Variants in VAV3 observed in about 807,000 individuals in gnomAD.
VAV3 encodes the protein guanine nucleotide exchange factor VAV3.
Under a neutral mutation model 131.2 loss-of-function variants are expected in VAV3, and 94 were observed. The ratio of observed to expected loss-of-function variants is 0.72; its 90% confidence interval spans 0.61 to 0.85. The LOEUF (loss-of-function observed/expected upper bound fraction) is 0.85, where lower values mean the gene tolerates loss of function less well. Ranked by LOEUF, VAV3 falls within the 40% of genes least tolerant of loss-of-function variation. VAV3 has a pLI of 0.00. For synonymous variants in VAV3, 349 were observed against 342.0 expected, an observed-to-expected ratio of 1.02 and a Z score of -0.22; for missense variants, 939 against 1,002.7, an observed-to-expected ratio of 0.94 and a Z score of 0.86.
intron 2 of VAV3, among the ~76,000 whole-genome samples, chr1:107,829,381 A>G (rs1348900847): frequency 6.6e-6 from 1 of 152,220 alleles, no homozygotes; most frequent in Non-Finnish European, 1.5e-5. Context: ...CAAGCCATGT[A>G]AAAATACAAA....
At chr1:107,601,902 C>T (rs1472087193) in intron 24 of VAV3, among the ~76,000 whole-genome samples, 1 of 151,900 alleles carries the variant, frequency 6.6e-6, no homozygotes, top group Non-Finnish European at 1.5e-5. Flanking sequence ...CTTGTTAATG[C>T]ATAATTATCT....
intron 2 of VAV3, among the ~76,000 whole-genome samples, chr1:107,811,469 T>C (rs1019508678): frequency 3.3e-5 from 5 of 152,188 alleles, no homozygotes; most frequent in African/African-American, 1.2e-4. Context: ...TAGGCATTAA[T>C]ACAAAATAAG....
At chr1:107,864,980 C>G (rs568240116) in intron 2 of VAV3, among the ~76,000 whole-genome samples, 108 of 152,258 alleles carry the variant, frequency 7.1e-4, no homozygotes, top group African/African-American at 2.5e-3. Flanking sequence ...TCTGGCTGAG[C>G]CTTACCCCCT....
At chr1:107,913,872 T>G (rs1242517920) in intron 1 of VAV3, among the ~76,000 whole-genome samples, 2 of 152,214 alleles carry the variant, frequency 1.3e-5, no homozygotes, top group East Asian at 3.8e-4. Context: ...CTCAGCTCAC[T>G]GCAACCATCG....
At chr1:107,738,584 T>G (rs1662822336) in intron 15 of VAV3, among the ~76,000 whole-genome samples, 1 of 152,176 alleles carries the variant, frequency 6.6e-6, no homozygotes, top group Non-Finnish European at 1.5e-5. Context: ...AAACTAAGTT[T>G]CTCCCATCGT....
chr1:107,794,788 T>C (rs1192363855), intron 2 of VAV3, among the ~76,000 whole-genome samples: 1 of 152,154 alleles, frequency 6.6e-6, no homozygotes, highest in Non-Finnish European at 1.5e-5. Flanking sequence ...CCAGGATAAT[T>C]TGAATTTCCC....
intron 2 of VAV3, among the ~76,000 whole-genome samples, chr1:107,817,318 T>C (rs1027012629): frequency 6.6e-6 from 1 of 151,632 alleles, no homozygotes; most frequent in Admixed American, 6.6e-5. Flanking sequence ...AGAAGGGCAT[T>C]GGGTGTACAG....
At chr1:107,707,447 C>G (rs1469456548) in intron 15 of VAV3, among the ~76,000 whole-genome samples, 1 of 152,134 alleles carries the variant, frequency 6.6e-6, no homozygotes, top group African/African-American at 2.4e-5. Context: ...TAGAACACTG[C>G]CTGACCCATA....
intron 20 of VAV3, among the ~76,000 whole-genome samples, chr1:107,637,711 C>A (rs955476926): frequency 6.6e-6 from 1 of 152,164 alleles, no homozygotes; most frequent in East Asian, 1.9e-4. Flanking sequence ...GTAAATTCTA[C>A]GACACACTTC....
chr1:107,860,377 G>A (rs1669683613), intron 2 of VAV3, among the ~76,000 whole-genome samples: 1 of 144,272 alleles, frequency 6.9e-6, no homozygotes, highest in Non-Finnish European at 1.6e-5. Flanking sequence ...GGTTTTATAT[G>A]TTTGGTTATC....
At chr1:107,795,060 G>T (rs529265259) in intron 2 of VAV3, among the ~76,000 whole-genome samples, 40 of 152,254 alleles carry the variant, frequency 2.6e-4, no homozygotes, top group African/African-American at 9.4e-4. Flanking sequence ...GGGCACTGAA[G>T]TCCCAAATTC....
chr1:107,838,537 T>A lies in VAV3; in HGVS notation c.321+36364A>T, dbSNP rs183490381. 5.9e-5 allele frequency among the ~76,000 whole-genome samples: 9 copies of A among 152,336 alleles called. No individual in the cohort carries two copies. The East Asian group carries it at 1.7e-3, about 29-fold the overall frequency. ...AGCCCAGCCACTGTGGAGAGCAGTTTGGAGATTTCTCAAAGAACTAAAGAG... is the reference window on the plus strand; with the variant it reads ...AGCCCAGCCACTGTGGAGAGCAGTTAGGAGATTTCTCAAAGAACTAAAGAG... On this transcript the variant is annotated intron_variant, in intron 2 of 26. Coordinates refer to ENST00000370056, the MANE Select transcript of VAV3 (RefSeq NM_006113.5).
chr1:107,795,584 G>A lies in VAV3; in HGVS notation c.322-16092C>T, dbSNP rs537237772. 5.3e-5 allele frequency among the ~76,000 whole-genome samples: 8 copies of A among 152,218 alleles called. No homozygotes were observed. In the South Asian group the frequency reaches 1.7e-3, roughly 32 times the overall value. ...AAATATGGCATATGTAAGATGTTTT[G>A]GAATCTGAATGATCTTTTAAGGTTA... On this transcript the variant is annotated intron_variant, in intron 2 of 26. Transcript: ENST00000370056.
intron 2 of VAV3, among the ~76,000 whole-genome samples, chr1:107,829,596 A>AT (rs987027883): frequency 8.0e-4 from 121 of 152,060 alleles, no homozygotes; most frequent in African/African-American, 2.8e-3. Context: ...TAACCACAGT[A>AT]TTTTTTTTCT....
chr1:107,851,833 C>T (rs575538291), intron 2 of VAV3, among the ~76,000 whole-genome samples: 35 of 152,024 alleles, frequency 2.3e-4, no homozygotes, highest in Non-Finnish European at 4.1e-4. Context: ...TTCAGTATAG[C>T]GCCTTGTTTA....
chr1:107,885,842 A>G (rs1007403549), intron 1 of VAV3, among the ~76,000 whole-genome samples: 1 of 152,150 alleles, frequency 6.6e-6, no homozygotes, highest in South Asian at 2.1e-4. Context: ...TGTCTCTTAT[A>G]TGGCAGACTG....
chr1:107,738,610 T>A (rs1311727580), intron 15 of VAV3, among the ~76,000 whole-genome samples: 1 of 152,218 alleles, frequency 6.6e-6, no homozygotes, highest in East Asian at 1.9e-4. Context: ...TTGCAAGGAT[T>A]GCCAGTTTCC....
chr1:107,832,200 C>T (rs1571014035), intron 2 of VAV3, among the ~76,000 whole-genome samples: 1 of 152,190 alleles, frequency 6.6e-6, no homozygotes, highest in Non-Finnish European at 1.5e-5. Context: ...GGAAACGTTG[C>T]TAATGATCTA....
chr1:107,671,911 T>A (rs891260207), intron 19 of VAV3, among the ~76,000 whole-genome samples: 1 of 152,254 alleles, frequency 6.6e-6, no homozygotes, highest in Non-Finnish European at 1.5e-5. Context: ...GCAAGCTATG[T>A]GTATAATAAA....
Sources: gnomAD v4.1 joint callset for allele counts (sites outside exome capture counted in the v4.1 genomes callset) on GRCh38, gnomAD v4.1.1 for gene constraint, MANE v1.5 for transcripts, NCBI Gene and HGNC (gene_info 2026-07-23, HGNC 2026-07-21) for gene names.